Variants in DEDD2 observed in about 807,000 individuals in gnomAD.
DEDD2 encodes the protein DNA-binding death effector domain-containing protein 2.
A neutral mutation model predicts 28.9 loss-of-function variants in DEDD2; 18 were observed. The observed-to-expected ratio is 0.62, with a 90% confidence interval of 0.43 to 0.92. The LOEUF is 0.92. DEDD2 is among the 40% of genes least tolerant of loss of function. The probability of loss-of-function intolerance (pLI) is 0.00; values close to 1 mark genes in which losing one functional copy is unlikely to be tolerated. For missense variants in DEDD2, 411 were observed against 463.3 expected (o/e 0.89, Z 1.04); for synonymous variants, 211 against 206.1 (o/e 1.02, Z -0.20).
At chr19:42,213,939 C>T (rs1393002334) in intron 3 of DEDD2, among the ~76,000 whole-genome samples, 2 of 152,136 alleles carry the variant, frequency 1.3e-5, no homozygotes, top group African/African-American at 2.4e-5. Flanking sequence ...GTATAATAGT[C>T]TTAAAGTGGT....
Position 42,199,488 on chromosome 19 carries a change from G to C in DEDD2, c.931C>G (p.Leu311Val). 6.2e-7 allele frequency: 1 copy of C among 1,612,814 alleles called. No homozygotes were observed. Among genetic ancestry groups the C allele is most frequent in the South Asian group, 1.1e-5 (1 of 91,060 alleles). Residue 311 changes from leucine (L) to valine (V), a missense_variant, in exon 5 of 5, where the codon CTG becomes GTG. Leu to Val is a conservative substitution (Grantham distance 32). Around this residue, in one of 2 missense-constraint regions of DEDD2, gnomAD observed 129 missense variants for 189.9 expected, o/e 0.68. Coordinates refer to ENST00000596251, the MANE Select transcript of DEDD2 (RefSeq NM_133328.4). This position sits in a 1 kb window ranked among gnomAD's most constrained non-coding sequence, Gnocchi z 7.4. ...EADYEAGRRR[L>V]LLMEEEGGRR... ...CCCCCTTCCTCCTCCATCAGCAACA[G>C]GCGGCGCCGGCCAGCCTCATAGTCA...
chr19:42,207,288 G>GGGCCAT (rs1202049329), intron 4 of DEDD2, among the ~76,000 whole-genome samples: 1 of 152,198 alleles, frequency 6.6e-6, no homozygotes, highest in African/African-American at 2.4e-5. Context: ...ACTCCCTGGA[G>GGGCCAT]GGCCATTATG....
At chr19:42,214,983 G>A in intron 3 of DEDD2, 150 bp downstream of exon 3, 1 of 1,210,792 alleles carries the variant, frequency 8.3e-7, no homozygotes, top group Admixed American at 2.6e-5. Flanking sequence ...CTTCAGAACA[G>A]AGTATCTGTA....
In DEDD2 at chr19:42,199,948, G is replaced by A. The variant is rs2035265973; in HGVS notation, c.590-119C>T. 1 of 1,413,124 alleles carries A rather than the reference G, an allele frequency of 7.1e-7. No homozygotes were observed. Among genetic ancestry groups the A allele is most frequent in the African/African-American group, 1.4e-5 (1 of 68,980 alleles). The allele number at this position is 1,413,124 out of a possible 1,614,324, so 87.5% of individuals were successfully genotyped here. On this transcript the variant is annotated intron_variant, in intron 4 of 4. Transcript: ENST00000596251. This position sits in a 1 kb window ranked among gnomAD's most constrained non-coding sequence, Gnocchi z 7.4. ...ACCCCCTTCCGGTAGCCACACCCTA[G>A]TCCTGACACAGCCTCCCCGGCTCTG...
intron 4 of DEDD2, chr19:42,204,483 T>TGAA (rs2035451521): frequency 6.6e-6 from 1 of 152,444 alleles, no homozygotes; most frequent in East Asian, 1.9e-4. Context: ...CCTGCTCCCC[T>TGAA]TGGCCTTCCA....
rs1568456727 is a variant in DEDD2 at position 42,216,735 on chromosome 19, G to A, written c.273C>T (p.Arg91=). ...SNLRLLGQLL[R]VLARHDLLPH... ...GCAGCAGGTCGTGGCGGGCCAGCAC[G>A]CGCAGGAGTTGCCCCAGCAGCCGCA... The change falls in exon 2 of 5, where the codon CGC becomes CGT. Residue 91 remains arginine (R), a synonymous_variant. Transcript: ENST00000596251. The A allele has an allele frequency of 6.3e-7, 1 of 1,591,070 alleles. No individual in the cohort carries two copies. Among genetic ancestry groups the A allele is most frequent in the Non-Finnish European group, 8.5e-7 (1 of 1,171,456 alleles).
rs766045813 is a variant in DEDD2, at chr19:42,209,779, C to G, written c.510G>C (p.Arg170=). The change falls in exon 4 of 5, where the codon CGG becomes CGC. Residue 170 remains arginine, a synonymous_variant. Transcript: ENST00000596251. ...GTGCGGCTGGGGCCCCTCTCCGCCG[C>G]CGTCTGGCACCACCACTGGGCCGGC... ...SRGRPSGGAR[R]RRRGAPAAPQ... is the part of the protein sequence containing the mutation. 6.3e-7 allele frequency: 1 copy of G among 1,595,434 alleles called. No individual in the cohort carries two copies. Among genetic ancestry groups the G allele is most frequent in the South Asian group, 1.1e-5 (1 of 89,148 alleles).
intron 4 of DEDD2, among the ~76,000 whole-genome samples, chr19:42,201,412 A>T (rs766002712): frequency 6.6e-6 from 1 of 152,258 alleles, no homozygotes; most frequent in Non-Finnish European, 1.5e-5. Flanking sequence ...AGAAAGGAAC[A>T]AGCTAGCACT....
chr19:42,199,697 G>A lies in DEDD2; in HGVS notation c.722C>T (p.Ser241Leu). 6.2e-7 allele frequency: 1 copy of A among 1,614,132 alleles called. No homozygotes were observed. The highest frequency in any genetic ancestry group is 8.5e-7 in the Non-Finnish European group (1 of 1,179,978). Residue 241 changes from serine to leucine, a missense_variant, in exon 5 of 5, where the codon TCA becomes TTA. Ser to Leu is a moderately radical substitution (Grantham distance 145). Transcript: ENST00000596251. This position sits in a 1 kb window ranked among gnomAD's most constrained non-coding sequence, Gnocchi z 7.4. Reference sequence around the variant, plus strand: ...ACAAACCACAGAGCCCAGGTCCCTTGAGCGCAGCACTGCGGTGGCCTGCCC... The same window carrying A: ...ACAAACCACAGAGCCCAGGTCCCTTAAGCGCAGCACTGCGGTGGCCTGCCC... ...VFGQATAVLR[S>L]RDLGSVVCDI... is the part of the protein sequence containing the mutation.
chr19:42,208,550 T>C (rs2035622757), intron 4 of DEDD2, among the ~76,000 whole-genome samples: 1 of 152,220 alleles, frequency 6.6e-6, no homozygotes, highest in Non-Finnish European at 1.5e-5. Context: ...TGAAGAGGAA[T>C]CACATCACGT....
In DEDD2 at chr19:42,215,114, C is replaced by T. The variant is rs2035913472; in HGVS notation, c.448+19G>A. ...GGAAAAGAGGGATGCTGCCATTACA[C>T]CCACCCAGCTGGGCTCACCTGTCTC... On this transcript the variant is annotated intron_variant, in intron 3 of 4. Transcript: ENST00000596251. The T allele has an allele frequency of 6.2e-7, 1 of 1,613,384 alleles. No homozygotes were observed.
At chr19:42,200,766 C>T (rs1230769835) in intron 4 of DEDD2, among the ~76,000 whole-genome samples, 1 of 152,216 alleles carries the variant, frequency 6.6e-6, no homozygotes, top group African/African-American at 2.4e-5. Context: ...ACTCAACTCC[C>T]CTTTTTGCTG....
At chr19:42,218,098 T>C (rs1431640392), upstream of DEDD2, among the ~76,000 whole-genome samples, 6 of 151,968 alleles carry the variant, frequency 3.9e-5, no homozygotes, top group Admixed American at 6.5e-5. Context: ...TACTTTCCCG[T>C]CTCCCAGTAA....
At chr19:42,209,873 C>T (rs1296215989) in intron 3 of DEDD2, 33 bp from the exon 4 acceptor site, 6 of 1,499,252 alleles carry the variant, frequency 4.0e-6, no homozygotes, top group Non-Finnish European at 5.3e-6. Flanking sequence ...AGTTGAGGAC[C>T]AGGATGACAG....
rs917112792 is a variant in DEDD2 at position 42,209,220 on chromosome 19, G to C, written c.589+480C>G. 1.6e-4 allele frequency among the ~76,000 whole-genome samples: 24 copies of C among 151,988 alleles called. 2 individuals carry two copies. The highest frequency in any genetic ancestry group is 5.1e-4 in the African/African-American group (21 of 41,442). ...CACACCACTGCACTCCAGCCTGAGA[G>C]ACAGAGGGAGATGGCGTCTCAAAAA... On this transcript the variant is annotated intron_variant, in intron 4 of 4. Coordinates refer to ENST00000596251, the MANE Select transcript of DEDD2 (RefSeq NM_133328.4).
chr19:42,209,872 C>A, intron 3 of DEDD2, 32 bp from the exon 4 acceptor site: 1 of 1,500,038 alleles, frequency 6.7e-7, no homozygotes, highest in Non-Finnish European at 8.9e-7. Flanking sequence ...AAGTTGAGGA[C>A]CAGGATGACA....
chr19:42,215,631 C>T (rs2035937734), intron 2 of DEDD2, among the ~76,000 whole-genome samples: 1 of 152,170 alleles, frequency 6.6e-6, no homozygotes, highest in South Asian at 2.1e-4. Context: ...ACATAGATAT[C>T]CAAAAATGCT....
intron 4 of DEDD2, among the ~76,000 whole-genome samples, chr19:42,206,949 C>G (rs1387058161): frequency 6.6e-6 from 1 of 152,194 alleles, no homozygotes; most frequent in Non-Finnish European, 1.5e-5. Flanking sequence ...AGTCAGCAGT[C>G]AGACCTGCTC....
intron 3 of DEDD2, among the ~76,000 whole-genome samples, chr19:42,214,138 G>C (rs913650795): frequency 2.5e-4 from 38 of 152,272 alleles, no homozygotes; most frequent in African/African-American, 8.7e-4. Context: ...CTTTCAACTT[G>C]TATGTTTGAA....
Sources: allele counts gnomAD v4.1 joint callset (sites outside exome capture counted in the v4.1 genomes callset), GRCh38; gene constraint gnomAD v4.1.1; regional missense constraint gnomAD v4.1.1; non-coding constraint Gnocchi (gnomAD v3.1); transcripts MANE v1.5; gene names NCBI Gene and HGNC (gene_info 2026-07-23, HGNC 2026-07-21).